ADGRV1: variants seen among roughly 807,000 people sequenced by gnomAD.
ADGRV1 encodes adhesion G protein-coupled receptor V1, also known as G-protein coupled receptor 98.
A neutral mutation model predicts 596.2 loss-of-function variants in ADGRV1; 359 were observed. That is an observed-to-expected ratio of 0.60 (90% CI 0.55 to 0.66). The LOEUF is 0.66. Ranked by LOEUF, ADGRV1 falls within the 30% of genes least tolerant of loss-of-function variation. The pLI is 0.00. For synonymous variants in ADGRV1, 2,681 were observed against 2,679.2 expected, an observed-to-expected ratio of 1.00 and a Z score of -0.02; for missense variants, 7,274 against 7,575.6, an observed-to-expected ratio of 0.96 and a Z score of 1.48.
rs575833878 is a variant in ADGRV1, at chr5:90,666,941, C to T, written c.4753-5605C>T. On this transcript the variant is annotated intron_variant, in intron 21 of 89. Coordinates refer to ENST00000405460, the MANE Select transcript of ADGRV1 (RefSeq NM_032119.4). ...TTTAAGAATGTTGAATATTGGCCCC[C>T]ACTCTCTTCTGGCTTGTAGGGTTTC... is the stretch of plus-strand genomic sequence containing the variant. Among the ~76,000 whole-genome samples the T allele has an allele frequency of 4.0e-3, 602 of 152,010 alleles. 5 individuals carry two copies. Among genetic ancestry groups the T allele is most frequent in the African/African-American group, 0.013 (545 of 41,452 alleles).
chr5:90,888,780 C>T (rs538736492), intron 83 of ADGRV1, among the ~76,000 whole-genome samples: 42 of 152,202 alleles, frequency 2.8e-4, no homozygotes, highest in African/African-American at 9.9e-4. Context: ...TTGATGTTGG[C>T]ATACTTTTCA....
At chr5:90,713,810 C>T (rs1173809834) in intron 42 of ADGRV1, among the ~76,000 whole-genome samples, 1 of 152,096 alleles carries the variant, frequency 6.6e-6, no homozygotes, top group Non-Finnish European at 1.5e-5. Flanking sequence ...GACATGCCCA[C>T]CTCCATGAGT....
chr5:90,984,957 A>G (rs1319972453), intron 84 of ADGRV1, among the ~76,000 whole-genome samples: 2 of 152,224 alleles, frequency 1.3e-5, no homozygotes, highest in African/African-American at 2.4e-5. Context: ...TTGAAAATAT[A>G]GGGCTTTTTA....
In ADGRV1 at chr5:90,790,864, T is replaced by C; in HGVS notation, c.14044-9T>C. 1 of 1,559,798 alleles carries C rather than the reference T, an allele frequency of 6.4e-7. No homozygotes were observed. Among genetic ancestry groups the C allele is most frequent in the South Asian group, 1.2e-5 (1 of 83,316 alleles). Reference sequence around the variant, plus strand: ...TATAACTTTGTTGAGTTTTTTTCTTTTATTTTAGGTTTACTGGGAATTAAG... The same window carrying C: ...TATAACTTTGTTGAGTTTTTTTCTTCTATTTTAGGTTTACTGGGAATTAAG... On this transcript the variant is annotated splice_polypyrimidine_tract_variant and intron_variant, in intron 69 of 89. Transcript: ENST00000405460.
chr5:90,746,116 G>C (rs955698642), intron 52 of ADGRV1, among the ~76,000 whole-genome samples: 1 of 151,946 alleles, frequency 6.6e-6, no homozygotes, highest in African/African-American at 2.4e-5. Context: ...TTACCAGAGA[G>C]AAAGGATGAA....
chr5:91,163,423 C>A (rs1341389336), intron 89 of ADGRV1, among the ~76,000 whole-genome samples: 1 of 152,112 alleles, frequency 6.6e-6, no homozygotes, highest in African/African-American at 2.4e-5. Flanking sequence ...GCAAATCCTA[C>A]CCCACTGGTG....
intron 68 of ADGRV1, 55 bp from the exon 69 acceptor site, chr5:90,789,647 T>A (rs770091234): frequency 9.1e-7 from 1 of 1,104,594 alleles, no homozygotes; most frequent in Non-Finnish European, 1.3e-6. Context: ...TTGGATACTA[T>A]AATTTCATCC....
intron 87 of ADGRV1, among the ~76,000 whole-genome samples, chr5:91,121,346 C>T (rs768781033): frequency 1.3e-5 from 2 of 152,080 alleles, no homozygotes; most frequent in African/African-American, 4.8e-5. Flanking sequence ...TGAATGCACC[C>T]GTCCTTGTAC....
In ADGRV1 at chr5:90,668,177, G is replaced by T. The variant is rs932806995; in HGVS notation, c.4753-4369G>T. On this transcript the variant is annotated intron_variant, in intron 21 of 89. Coordinates refer to ENST00000405460, the MANE Select transcript of ADGRV1 (RefSeq NM_032119.4). ...CAGGCTGCTTTGTTTACCTAAGCAA[G>T]CCTGGGCAATGGCGGGCGCCCCTCC... Among the ~76,000 whole-genome samples, 7 of 152,008 alleles carry T rather than the reference G, an allele frequency of 4.6e-5. No homozygotes were observed. In the East Asian group the frequency reaches 7.7e-4, roughly 17 times the overall value.
At chr5:91,097,042 T>G (rs987313027) in intron 86 of ADGRV1, among the ~76,000 whole-genome samples, 1 of 152,236 alleles carries the variant, frequency 6.6e-6, no homozygotes, top group Non-Finnish European at 1.5e-5. Flanking sequence ...TATTATAATT[T>G]TATTCCTTTT....
intron 1 of ADGRV1, among the ~76,000 whole-genome samples, chr5:90,565,621 A>G (rs78096756): frequency 0.012 from 1,900 of 152,280 alleles, 37 homozygotes; most frequent in African/African-American, 0.043. Flanking sequence ...CTTTTTGACT[A>G]TTATAAATAA....
rs562483626 is a variant in ADGRV1, at chr5:90,855,070, A to T, written c.17595-671A>T. Reference sequence around the variant, plus strand: ...TTGGGTAAGGAAGTTTTAGGTCCTTAAAAAAGTAAAGAAATTAAGAGGCAT... The same window carrying T: ...TTGGGTAAGGAAGTTTTAGGTCCTTTAAAAAGTAAAGAAATTAAGAGGCAT... On this transcript the variant is annotated intron_variant, in intron 81 of 89. Coordinates refer to ENST00000405460, the MANE Select transcript of ADGRV1 (RefSeq NM_032119.4). Among the ~76,000 whole-genome samples, 7 of 152,324 alleles carry T rather than the reference A, an allele frequency of 4.6e-5. No individual in the cohort carries two copies. In the South Asian group the frequency reaches 1.4e-3, roughly 32 times the overall value.
At chr5:90,679,370 A>G (rs1490902611) in intron 25 of ADGRV1, among the ~76,000 whole-genome samples, 179 bp from the exon 26 acceptor site, 1 of 152,202 alleles carries the variant, frequency 6.6e-6, no homozygotes, top group East Asian at 1.9e-4. Context: ...ATAATTTGGT[A>G]GCTTGACTGG....
At chr5:91,149,904 T>C in intron 87 of ADGRV1, 126 bp from the exon 88 acceptor site, 1 of 626,028 alleles carries the variant, frequency 1.6e-6, no homozygotes, top group Non-Finnish European at 2.5e-6. Flanking sequence ...GGGTATTTCT[T>C]CATAGCAGCA....
intron 29 of ADGRV1, among the ~76,000 whole-genome samples, chr5:90,687,571 A>G (rs1377696404): frequency 1.3e-5 from 2 of 152,200 alleles, no homozygotes; most frequent in Non-Finnish European, 2.9e-5. Context: ...GGAGAATGAC[A>G]TAAAGGGTAT....
Position 91,080,050 on chromosome 5 carries a change from T to C in ADGRV1, c.18310+7446T>C, listed in dbSNP as rs574463503. On this transcript the variant is annotated intron_variant, in intron 86 of 89. Coordinates refer to ENST00000405460, the MANE Select transcript of ADGRV1 (RefSeq NM_032119.4). ...TCACGTATGTTATCTCAGTTTAATA[T>C]ATATATATATGTACATAATATCTGT... 3.9e-5 allele frequency among the ~76,000 whole-genome samples: 6 copies of C among 152,248 alleles called. No homozygotes were observed. The South Asian group carries it at 1.0e-3, about 26-fold the overall frequency.
At position 90,658,071 on chromosome 5, in the gene ADGRV1, G is replaced by T; in HGVS notation, c.4545G>T (p.Glu1515Asp). 1 of 1,613,950 alleles carries T rather than the reference G, an allele frequency of 6.2e-7. No homozygotes were observed. Among genetic ancestry groups the T allele is most frequent in the Non-Finnish European group, 8.5e-7 (1 of 1,179,846 alleles). Residue 1515 changes from glutamate (E) to aspartate (D), a missense_variant, in exon 21 of 90, where the codon GAG becomes GAT. Transcript: ENST00000405460. ...TACACCCAATTTCTGGATATCTGGA[G>T]TTCAGACAGGGAGAAACTAACAAAT... ...SDLHPISGYL[E>D]FRQGETNKSF...
At chr5:90,787,167 G>C (rs1271683602) in intron 67 of ADGRV1, among the ~76,000 whole-genome samples, 1 of 152,142 alleles carries the variant, frequency 6.6e-6, no homozygotes, top group Admixed American at 6.6e-5. Context: ...TAGTCAGCTG[G>C]AGGGCTGCTG....
At chr5:90,654,003 T>G in intron 20 of ADGRV1, 51 bp downstream of exon 20, 1 of 1,538,708 alleles carries the variant, frequency 6.5e-7, no homozygotes, top group Non-Finnish European at 8.8e-7. Context: ...TTTCTAAAAT[T>G]TTTCATTAAA....
Sources: gnomAD v4.1 joint callset for allele counts (sites outside exome capture counted in the v4.1 genomes callset) on GRCh38, gnomAD v4.1.1 for gene constraint, MANE v1.5 for transcripts, NCBI Gene and HGNC (gene_info 2026-07-23, HGNC 2026-07-21) for gene names.